Variants in SYNPR observed in about 807,000 individuals in gnomAD.
The protein encoded by SYNPR is synaptoporin.
SYNPR carries 23 observed loss-of-function variants against 32.9 expected under a neutral mutation model. The observed-to-expected ratio is 0.70, with a 90% CI of 0.50 to 0.99. SYNPR has a LOEUF of 0.99. SYNPR is among the 50% of genes least tolerant of loss of function. The pLI is 0.00. For missense variants in SYNPR, 318 were observed against 349.3 expected, an observed-to-expected ratio of 0.91 and a Z score of 0.71; for synonymous variants, 146 against 135.9, an observed-to-expected ratio of 1.07 and a Z score of -0.52.
chr3:63,594,750 C>T (rs1057265784), intron 4 of SYNPR, among the ~76,000 whole-genome samples: 7 of 152,196 alleles, frequency 4.6e-5, no homozygotes, highest in African/African-American at 1.7e-4. Flanking sequence ...ACCATTAACA[C>T]TATCATCATT....
At chr3:63,293,843 A>G (rs2086767396) in intron 2 of SYNPR, among the ~76,000 whole-genome samples, 1 of 151,980 alleles carries the variant, frequency 6.6e-6, no homozygotes, top group African/African-American at 2.4e-5. Context: ...GTCATATTGA[A>G]TTAGGGGCCC....
intron 3 of SYNPR, among the ~76,000 whole-genome samples, chr3:63,496,591 A>G (rs1701378153): frequency 6.6e-6 from 1 of 152,206 alleles, no homozygotes; most frequent in East Asian, 1.9e-4. Flanking sequence ...AAGACAATTT[A>G]TATGCCTATC....
At chr3:63,494,405 A>ATATATATATACGTATATATATATATACG (rs1559516210) in intron 3 of SYNPR, among the ~76,000 whole-genome samples, 2 of 53,226 alleles carry the variant, frequency 3.8e-5, no homozygotes, top group Non-Finnish European at 7.6e-5. Flanking sequence ...ATATATATAT[A>ATATATATATACGTATATATATATATACG]TATATATATA....
At position 63,427,669 on chromosome 3, in the gene SYNPR, G is replaced by C. The variant is rs543732366; in HGVS notation, c.85-53163G>C. ...AGGAGTGGGTGGAAATAAGGCAGTG[G>C]TTCTCCAAACTGGTAGATTCTGATT... On this transcript the variant is annotated intron_variant, in intron 2 of 5. Transcript: ENST00000478300. The C allele has an allele frequency of 2.6e-5, 4 of 152,376 alleles. No homozygotes were observed. In the East Asian group the frequency reaches 7.7e-4, roughly 29 times the overall value. 9.4% of individuals were successfully genotyped at this position (152,376 alleles called of 1,614,324 possible). A position where few individuals can be genotyped will look rare whatever the true frequency, so the allele number is the denominator to read the frequency against.
upstream of SYNPR, among the ~76,000 whole-genome samples, chr3:63,226,803 G>A (rs189705283): frequency 6.6e-6 from 1 of 152,122 alleles, no homozygotes; most frequent in East Asian, 1.9e-4. Context: ...GCAGACAAGG[G>A]TAACTATAGT....
chr3:63,569,666 A>C (rs1264446585), intron 4 of SYNPR, among the ~76,000 whole-genome samples: 4 of 152,254 alleles, frequency 2.6e-5, no homozygotes, highest in African/African-American at 9.6e-5. Context: ...TAGCCACGCA[A>C]GCGTAGGCCC....
At chr3:63,413,022 C>T (rs1314347744) in intron 2 of SYNPR, among the ~76,000 whole-genome samples, 1 of 152,114 alleles carries the variant, frequency 6.6e-6, no homozygotes, top group Non-Finnish European at 1.5e-5. Context: ...CAAGTGTTCA[C>T]GTCATTATCT....
At chr3:63,560,546 A>G (rs34053037) in intron 4 of SYNPR, among the ~76,000 whole-genome samples, 12,996 of 152,276 alleles carry the variant, frequency 0.085, 687 homozygotes, top group Non-Finnish European at 0.12. Flanking sequence ...TTTATTCACA[A>G]AGATGGCTAC....
chr3:63,335,766 CTTTTTTTT>C (rs3082128), intron 2 of SYNPR, among the ~76,000 whole-genome samples: 5 of 91,472 alleles, frequency 5.5e-5, no homozygotes, highest in Middle Eastern at 7.6e-3. Context: ...TATTAGCTTC[CTTTTTTTT>C]TTTTTTTTTT....
chr3:63,473,757 C>G lies in SYNPR; in HGVS notation c.85-7075C>G, dbSNP rs561679713. Among the ~76,000 whole-genome samples the G allele has an allele frequency of 7.2e-5, 11 of 152,234 alleles. No homozygotes were observed. The South Asian group carries it at 1.2e-3, about 17-fold the overall frequency. On this transcript the variant is annotated intron_variant, in intron 2 of 5. Transcript: ENST00000478300. ...GGACAGAAGTTTCAGCTGAAGGAGA[C>G]AGACAGCATGAAGGTCCTACAGCTG...
chr3:63,311,598 G>A (rs768429611), intron 2 of SYNPR, among the ~76,000 whole-genome samples: 4 of 151,838 alleles, frequency 2.6e-5, no homozygotes, highest in Admixed American at 6.6e-5. Flanking sequence ...CCAACACCCC[G>A]TCCATGGAAA....
chr3:63,550,272 T>C (rs1702477448), intron 3 of SYNPR, among the ~76,000 whole-genome samples: 2 of 151,196 alleles, frequency 1.3e-5, no homozygotes, highest in African/African-American at 4.8e-5. Context: ...ATATATGCCT[T>C]TTGCTTATAA....
intron 3 of SYNPR, among the ~76,000 whole-genome samples, chr3:63,521,237 G>A (rs1160696201): frequency 1.3e-5 from 2 of 152,068 alleles, no homozygotes; most frequent in Non-Finnish European, 2.9e-5. Flanking sequence ...CAGATTCTTG[G>A]AACCACTTTT....
At chr3:63,471,621 G>C (rs1700799944) in intron 2 of SYNPR, among the ~76,000 whole-genome samples, 1 of 152,218 alleles carries the variant, frequency 6.6e-6, no homozygotes, top group Admixed American at 6.5e-5. Context: ...GAGCATGAGG[G>C]AGGCCGCAGT....
chr3:63,496,311 A>G (rs1432280367), intron 3 of SYNPR, among the ~76,000 whole-genome samples: 6 of 152,066 alleles, frequency 3.9e-5, no homozygotes, highest in African/African-American at 1.4e-4. Flanking sequence ...TTTATTAAAA[A>G]GAATAATTAT....
At chr3:63,565,678 C>T (rs1702770944) in intron 4 of SYNPR, among the ~76,000 whole-genome samples, 1 of 152,186 alleles carries the variant, frequency 6.6e-6, no homozygotes, top group South Asian at 2.1e-4. Context: ...CCATGTGTTG[C>T]CATGTGAGGA....
intron 2 of SYNPR, among the ~76,000 whole-genome samples, chr3:63,319,209 A>G (rs1271155384): frequency 6.6e-6 from 1 of 151,912 alleles, no homozygotes; most frequent in Non-Finnish European, 1.5e-5. Context: ...TGTTTTTGGT[A>G]CCTTGTCAAC....
chr3:63,397,413 T>C (rs1320153707), intron 2 of SYNPR, among the ~76,000 whole-genome samples: 13 of 152,214 alleles, frequency 8.5e-5, no homozygotes, highest in Admixed American at 7.8e-4. Context: ...AAAACAGAAC[T>C]GAGTGGTCTA....
chr3:63,449,550 C>T (rs13082843), intron 2 of SYNPR, among the ~76,000 whole-genome samples: 22,587 of 152,180 alleles, frequency 0.15, 1,736 homozygotes, highest in Middle Eastern at 0.18. Context: ...AAAATTACCA[C>T]CAGACATTGC....
Sources: gnomAD v4.1 joint callset for allele counts (sites outside exome capture counted in the v4.1 genomes callset) on GRCh38, gnomAD v4.1.1 for gene constraint, MANE v1.5 for transcripts, NCBI Gene and HGNC (gene_info 2026-07-23, HGNC 2026-07-21) for gene names.